CLNK: variants seen among roughly 807,000 people sequenced by gnomAD.
The protein encoded by CLNK is cytokine dependent hematopoietic cell linker, also known as cytokine-dependent hematopoietic cell linker.
In CLNK, 74 loss-of-function variants were observed where a neutral mutation model predicts 68.6. The ratio of observed to expected loss-of-function variants is 1.08; its 90% CI spans 0.89 to 1.31. The LOEUF (loss-of-function observed/expected upper bound fraction) is 1.31, where lower values mean the gene tolerates loss of function less well. Among genes scored for constraint, CLNK ranks in the 50% most tolerant of loss-of-function variants. CLNK has a pLI of 0.00. For synonymous variants in CLNK, 198 were observed against 172.2 expected (o/e 1.15, Z -1.17); for missense variants, 553 against 515.3 (o/e 1.07, Z -0.71).
At chr4:10,584,600 G>A (rs1327657586) in intron 4 of CLNK, among the ~76,000 whole-genome samples, 1 of 152,174 alleles carries the variant, frequency 6.6e-6, no homozygotes, top group Admixed American at 6.5e-5. Context: ...GAATACTAGT[G>A]AGTCACCATA....
the CLNK span, among the ~76,000 whole-genome samples, chr4:10,714,275 T>C: frequency 6.6e-6 from 1 of 152,328 alleles, no homozygotes; most frequent in Admixed American, 6.5e-5. Context: ...GTGACTTAAA[T>C]TGAGTAGAAT....
At chr4:10,506,249 A>T (rs1209075582) in intron 17 of CLNK, among the ~76,000 whole-genome samples, 4 of 152,092 alleles carry the variant, frequency 2.6e-5, no homozygotes, top group African/African-American at 9.7e-5. Flanking sequence ...ACCTTCTTCG[A>T]AGTTAAGTTT....
At chr4:10,687,643 A>G (rs1725314110), upstream of CLNK, among the ~76,000 whole-genome samples, 1 of 152,150 alleles carries the variant, frequency 6.6e-6, no homozygotes, top group East Asian at 1.9e-4. Context: ...TCACTAGAGG[A>G]GCCTATACAG....
chr4:10,685,949 A>G (rs1487010722), upstream of CLNK, among the ~76,000 whole-genome samples: 1 of 152,190 alleles, frequency 6.6e-6, no homozygotes, highest in Non-Finnish European at 1.5e-5. Context: ...TCACTTGCTC[A>G]CTTCTTTTGG....
chr4:10,571,670 T>C, intron 5 of CLNK, 71 bp downstream of exon 5: 3 of 1,227,692 alleles, frequency 2.4e-6, no homozygotes, highest in Non-Finnish European at 2.4e-6. Flanking sequence ...TTACCCAGTA[T>C]CTTGAATCAA....
chr4:10,611,062 G>A (rs1481977003), intron 2 of CLNK, among the ~76,000 whole-genome samples: 1 of 152,212 alleles, frequency 6.6e-6, no homozygotes, highest in Non-Finnish European at 1.5e-5. Context: ...GCTCACGCCT[G>A]TAATCCCAGC....
intron 1 of CLNK, among the ~76,000 whole-genome samples, chr4:10,677,054 T>C (rs1724905110): frequency 6.6e-6 from 1 of 151,596 alleles, no homozygotes; most frequent in Non-Finnish European, 1.5e-5. Flanking sequence ...TAGGCCTGGA[T>C]TAAATCAGAA....
chr4:10,637,438 G>GTT (rs11396379), intron 2 of CLNK, among the ~76,000 whole-genome samples: 18,920 of 123,960 alleles, frequency 0.15, 1,797 homozygotes, highest in African/African-American at 0.19. Flanking sequence ...AATAAAAAAA[G>GTT]TTTTTTTTTT....
At chr4:10,523,858 C>T (rs1718186557) in intron 14 of CLNK, 6 of 287,828 alleles carry the variant, frequency 2.1e-5, no homozygotes, top group South Asian at 1.8e-4. Context: ...GACCCCTTCT[C>T]TACAAAGAGT....
chr4:10,569,491 A>T (rs941248721), intron 5 of CLNK, among the ~76,000 whole-genome samples: 1 of 152,094 alleles, frequency 6.6e-6, no homozygotes, highest in Non-Finnish European at 1.5e-5. Context: ...TTGGTCTTGG[A>T]CTTCTGGTCT....
chr4:10,720,459 G>A, the CLNK span, among the ~76,000 whole-genome samples: 8 of 151,912 alleles, frequency 5.3e-5, no homozygotes, highest in Non-Finnish European at 1.0e-4. Flanking sequence ...AAGAGGATAC[G>A]CAGATGACAA....
At chr4:10,532,096 T>C in intron 12 of CLNK, 160 bp downstream of exon 12, 1 of 690,666 alleles carries the variant, frequency 1.4e-6, no homozygotes, top group Non-Finnish European at 2.6e-6. Context: ...TGTTTTACTT[T>C]GGCTTTCTTA....
chr4:10,651,083 C>G (rs1308445561), intron 2 of CLNK, among the ~76,000 whole-genome samples: 1 of 152,148 alleles, frequency 6.6e-6, no homozygotes, highest in African/African-American at 2.4e-5. Flanking sequence ...GAAATAGGGA[C>G]GCTCTTACAC....
chr4:10,643,062 A>G (rs1263119566), intron 2 of CLNK, among the ~76,000 whole-genome samples: 1 of 152,226 alleles, frequency 6.6e-6, no homozygotes, highest in Non-Finnish European at 1.5e-5. Flanking sequence ...CGTGCGGTTC[A>G]GTTTCAGGAT....
At chr4:10,651,150 A>G (rs775094150) in intron 2 of CLNK, among the ~76,000 whole-genome samples, 1 of 152,212 alleles carries the variant, frequency 6.6e-6, no homozygotes, top group Admixed American at 6.5e-5. Flanking sequence ...CAATTCCTCA[A>G]GGTTCTAGAA....
chr4:10,579,208 C>T (rs980333430), intron 4 of CLNK, among the ~76,000 whole-genome samples: 1 of 152,210 alleles, frequency 6.6e-6, no homozygotes, highest in Non-Finnish European at 1.5e-5. Flanking sequence ...CACCCTTTCC[C>T]CTGGCAGGTT....
At chr4:10,668,408 T>C (rs1369525836) in intron 1 of CLNK, among the ~76,000 whole-genome samples, 1 of 152,214 alleles carries the variant, frequency 6.6e-6, no homozygotes, top group Non-Finnish European at 1.5e-5. Context: ...TAGTGTTATT[T>C]ACCATATAAA....
chr4:10,719,432 T>C, the CLNK span, among the ~76,000 whole-genome samples: 1 of 151,872 alleles, frequency 6.6e-6, no homozygotes, highest in Admixed American at 6.6e-5. Flanking sequence ...TTAGATAAAG[T>C]AGACATCAGA....
chr4:10,653,457 G>C (rs907946590), intron 2 of CLNK, among the ~76,000 whole-genome samples: 1 of 152,050 alleles, frequency 6.6e-6, no homozygotes, highest in African/African-American at 2.4e-5. Context: ...TTAGAAATCA[G>C]TGACAAGGTA....
Sources: gnomAD v4.1 joint callset for allele counts (sites outside exome capture counted in the v4.1 genomes callset) on GRCh38, gnomAD v4.1.1 for gene constraint, MANE v1.5 for transcripts, NCBI Gene and HGNC (gene_info 2026-07-23, HGNC 2026-07-21) for gene names.